The following IQCH variants were observed in gnomAD, a reference collection of about 807,000 sequenced individuals.
IQCH encodes the protein IQ motif containing H.
A neutral mutation model predicts 117.0 loss-of-function variants in IQCH; 98 were observed. The observed-to-expected ratio is 0.84, with a 90% CI of 0.71 to 0.99. The LOEUF (loss-of-function observed/expected upper bound fraction) is 0.99. Ranked by LOEUF, IQCH falls within the 50% of genes least tolerant of loss-of-function variation. The pLI is 0.00. For missense variants in IQCH, 1,102 were observed against 1,243.8 expected, an observed-to-expected ratio of 0.89 and a Z score of 1.72; for synonymous variants, 412 against 448.2, an observed-to-expected ratio of 0.92 and a Z score of 1.02.
At chr15:67,392,745 C>G (rs918617632) in intron 12 of IQCH, among the ~76,000 whole-genome samples, 2 of 144,550 alleles carry the variant, frequency 1.4e-5, no homozygotes, top group East Asian at 2.0e-4. Flanking sequence ...CCACTGCACT[C>G]CAGCCTGGGT....
At chr15:67,297,677 TCTA>T (rs1464839878) in intron 4 of IQCH, among the ~76,000 whole-genome samples, 29 of 152,290 alleles carry the variant, frequency 1.9e-4, no homozygotes, top group Admixed American at 1.6e-3. Flanking sequence ...AAATTGTCAT[TCTA>T]CTATTGTTTG....
chr15:67,340,069 A>C (rs1051081581), intron 5 of IQCH, among the ~76,000 whole-genome samples: 1 of 152,184 alleles, frequency 6.6e-6, no homozygotes, highest in Non-Finnish European at 1.5e-5. Context: ...GCCATATACC[A>C]GGCTAGTTTT....
At chr15:67,343,901 T>C (rs1007791830) in intron 5 of IQCH, among the ~76,000 whole-genome samples, 162 bp from the exon 6 acceptor site, 1 of 152,222 alleles carries the variant, frequency 6.6e-6, no homozygotes, top group African/African-American at 2.4e-5. Context: ...TTTAAATGAA[T>C]GTGTACTGTA....
chr15:67,340,056 T>C (rs529951052), intron 5 of IQCH, among the ~76,000 whole-genome samples: 5 of 152,272 alleles, frequency 3.3e-5, no homozygotes, highest in African/African-American at 9.6e-5. Context: ...GAAAATCATG[T>C]AAGCCATATA....
intron 3 of IQCH, among the ~76,000 whole-genome samples, chr15:67,275,337 G>A (rs1282731049): frequency 1.3e-5 from 2 of 152,038 alleles, no homozygotes; most frequent in Non-Finnish European, 2.9e-5. Flanking sequence ...GAGGAGTCAC[G>A]GATATAGAAA....
In IQCH at chr15:67,500,355, C is replaced by T. The variant is rs1479105349; in HGVS notation, c.2971-278C>T. 6.6e-6 allele frequency among the ~76,000 whole-genome samples: 1 copy of T among 151,964 alleles called. No homozygotes were observed. Among genetic ancestry groups the T allele is most frequent in the East Asian group, 1.9e-4 (1 of 5,180 alleles). ...AGAAAATTTAATTACTAGAAAAATA[C>T]GATTAAAAAAATTAAAGATGTACAA... On this transcript the variant is annotated intron_variant, in intron 20 of 20. Coordinates refer to ENST00000335894, the MANE Select transcript of IQCH (RefSeq NM_001031715.3). This position sits in a 1 kb window ranked among gnomAD's most constrained non-coding sequence, Gnocchi z 4.4.
chr15:67,361,591 A>C (rs1169976563), intron 8 of IQCH, among the ~76,000 whole-genome samples: 11 of 152,234 alleles, frequency 7.2e-5, no homozygotes, highest in Admixed American at 2.6e-4. Context: ...TATCATGTAT[A>C]CAGGTAATCA....
intron 15 of IQCH, among the ~76,000 whole-genome samples, chr15:67,418,299 C>T (rs1306881666): frequency 6.6e-6 from 1 of 151,874 alleles, no homozygotes. Flanking sequence ...TATTGGATAC[C>T]CTGATAATGA....
chr15:67,461,387 G>T (rs894473644), intron 16 of IQCH, among the ~76,000 whole-genome samples: 4 of 152,176 alleles, frequency 2.6e-5, no homozygotes, highest in Non-Finnish European at 5.9e-5. Context: ...CACTGGAATT[G>T]CGAATGCACC....
chr15:67,489,568 A>C (rs1416509593), intron 18 of IQCH, among the ~76,000 whole-genome samples: 3 of 137,996 alleles, frequency 2.2e-5, no homozygotes, highest in African/African-American at 8.1e-5. Flanking sequence ...CTCCCGCCTC[A>C]GTCTCCCAAA....
At position 67,366,145 on chromosome 15, in the gene IQCH, G is replaced by A. The variant is rs1464928907; in HGVS notation, c.754-5966G>A. 2.0e-5 allele frequency among the ~76,000 whole-genome samples: 3 copies of A among 152,130 alleles called. No individual in the cohort carries two copies. The highest frequency in any genetic ancestry group is 1.3e-4 in the Admixed American group (2 of 15,272). ...CCATACGTGTAGAGAAAATTATGATGTGTCTTTGCTCAGAGATCTGGGAAT... is the reference window on the plus strand; with the variant it reads ...CCATACGTGTAGAGAAAATTATGATATGTCTTTGCTCAGAGATCTGGGAAT... On this transcript the variant is annotated intron_variant, in intron 8 of 20. Transcript: ENST00000335894. The surrounding 1 kb of genome is among the most constrained non-coding windows in gnomAD (Gnocchi z 4.4).
chr15:67,269,234 G>A (rs1467475834), intron 3 of IQCH, among the ~76,000 whole-genome samples: 1 of 152,090 alleles, frequency 6.6e-6, no homozygotes, highest in Non-Finnish European at 1.5e-5. Context: ...TTAAAAATAA[G>A]GAAAACAAAT....
intron 4 of IQCH, among the ~76,000 whole-genome samples, chr15:67,290,770 A>G (rs1254802610): frequency 1.3e-5 from 2 of 152,178 alleles, no homozygotes; most frequent in African/African-American, 4.8e-5. Flanking sequence ...TATTCAACAA[A>G]CTTTGAGTGT....
intron 14 of IQCH, among the ~76,000 whole-genome samples, chr15:67,409,412 G>A (rs965297566): frequency 6.6e-6 from 1 of 152,166 alleles, no homozygotes; most frequent in Non-Finnish European, 1.5e-5. Flanking sequence ...AAGTTGAAAG[G>A]GAATGAACCT....
rs2081829661 is a variant in IQCH, at chr15:67,424,253, C to G, written c.2505+2676C>G. ...ACATGCTGTTCCTCCACCTTAAATG[C>G]TCTTGCCTTTTCTTTTGACCTAGTT... On this transcript the variant is annotated intron_variant, in intron 16 of 20. Transcript: ENST00000335894. The surrounding 1 kb of genome is among the most constrained non-coding windows in gnomAD (Gnocchi z 4.9). Among the ~76,000 whole-genome samples the G allele has an allele frequency of 6.6e-6, 1 of 152,192 alleles. No individual in the cohort carries two copies.
rs1045448790 is a variant in IQCH, at chr15:67,364,761, G to A, written c.753+4876G>A. ...CATATTCTTTTATTGGTATTATACT[G>A]TATATTCAACTCTGGTTTTACTCTT... On this transcript the variant is annotated intron_variant, in intron 8 of 20. Transcript: ENST00000335894. This position sits in a 1 kb window ranked among gnomAD's most constrained non-coding sequence, Gnocchi z 4.1. Among the ~76,000 whole-genome samples, 2 of 151,942 alleles carry A rather than the reference G, an allele frequency of 1.3e-5. No homozygotes were observed. The highest frequency in any genetic ancestry group is 2.9e-5 in the Non-Finnish European group (2 of 67,998).
In IQCH at chr15:67,365,303, G is replaced by A. The variant is rs1193649982; in HGVS notation, c.753+5418G>A. Among the ~76,000 whole-genome samples the A allele has an allele frequency of 6.6e-6, 1 of 152,166 alleles. No homozygotes were observed. Among genetic ancestry groups the A allele is most frequent in the Non-Finnish European group, 1.5e-5 (1 of 68,032 alleles). On this transcript the variant is annotated intron_variant, in intron 8 of 20. Coordinates refer to ENST00000335894, the MANE Select transcript of IQCH (RefSeq NM_001031715.3). This position sits in a 1 kb window ranked among gnomAD's most constrained non-coding sequence, Gnocchi z 4.4. ...TTTTGTATCTCAGTAGCCAAACTTTGCATTAGTGCTCCAAAACTCAAGCTA... is the reference window on the plus strand; with the variant it reads ...TTTTGTATCTCAGTAGCCAAACTTTACATTAGTGCTCCAAAACTCAAGCTA...
chr15:67,300,883 A>G (rs1159179643), intron 4 of IQCH, among the ~76,000 whole-genome samples: 1 of 152,208 alleles, frequency 6.6e-6, no homozygotes, highest in Non-Finnish European at 1.5e-5. Flanking sequence ...GGGCATAATA[A>G]TGAAATAAAT....
intron 3 of IQCH, among the ~76,000 whole-genome samples, chr15:67,264,039 A>G (rs1471129091): frequency 6.6e-6 from 1 of 152,262 alleles, no homozygotes; most frequent in Non-Finnish European, 1.5e-5. Flanking sequence ...AACAGTGCAC[A>G]AGTCAAGGAA....
Sources: allele counts gnomAD v4.1 joint callset (sites outside exome capture counted in the v4.1 genomes callset), GRCh38; gene constraint gnomAD v4.1.1; non-coding constraint Gnocchi (gnomAD v3.1); transcripts MANE v1.5; gene names NCBI Gene and HGNC (gene_info 2026-07-23, HGNC 2026-07-21).